TRIM29: variants seen among roughly 807,000 people sequenced by gnomAD.
The protein encoded by TRIM29 is tripartite motif-containing protein 29.
TRIM29 carries 52 observed loss-of-function variants against 57.3 expected under a neutral mutation model. The observed-to-expected ratio is 0.91, with a 90% CI of 0.73 to 1.14. TRIM29 has a LOEUF of 1.14. Ranked by LOEUF, TRIM29 falls within the 50% of genes most tolerant of loss-of-function variation. The probability of loss-of-function intolerance (pLI) is 0.00; values close to 1 mark genes in which losing one functional copy is unlikely to be tolerated. For synonymous variants in TRIM29, 319 were observed against 316.9 expected, an observed-to-expected ratio of 1.01 and a Z score of -0.07; for missense variants, 753 against 774.6, an observed-to-expected ratio of 0.97 and a Z score of 0.33.
At chr11:120,126,992 C>T (rs1863604134) in intron 3 of TRIM29, among the ~76,000 whole-genome samples, 2 of 152,142 alleles carry the variant, frequency 1.3e-5, no homozygotes, top group African/African-American at 4.8e-5. Context: ...AAATATGCAG[C>T]ACTCCTACAC....
intron 6 of TRIM29, among the ~76,000 whole-genome samples, chr11:120,119,516 T>A (rs183303568): frequency 6.6e-6 from 1 of 152,334 alleles, no homozygotes; most frequent in African/African-American, 2.4e-5. Flanking sequence ...TGTTCACTCA[T>A]GCCTTTAGCC....
intron 1 of TRIM29, chr11:120,128,718 C>A: frequency 2.0e-6 from 3 of 1,535,690 alleles, no homozygotes; most frequent in Non-Finnish European, 1.7e-6. Context: ...TTGCTGTATT[C>A]TCAGGCCACT....
chr11:120,119,235 C>T (rs901696454), intron 6 of TRIM29, among the ~76,000 whole-genome samples: 23 of 152,162 alleles, frequency 1.5e-4, no homozygotes, highest in African/African-American at 5.6e-4. Flanking sequence ...GTGGGGGGCT[C>T]AGAGTCCCCA....
At chr11:120,135,133 C>T (rs1337702312) in intron 1 of TRIM29, among the ~76,000 whole-genome samples, 1 of 152,194 alleles carries the variant, frequency 6.6e-6, no homozygotes, top group Non-Finnish European at 1.5e-5. Flanking sequence ...TCCTGCCCAC[C>T]AGAACCACAT....
At chr11:120,123,705 G>C (rs111292673) in intron 4 of TRIM29, 1 of 340,718 alleles carries the variant, frequency 2.9e-6, no homozygotes, top group South Asian at 2.3e-5. Context: ...TTTCTCTTTC[G>C]ACTTCCCCGT....
intron 3 of TRIM29, among the ~76,000 whole-genome samples, chr11:120,126,546 C>G (rs1863595051): frequency 6.6e-6 from 1 of 152,142 alleles, no homozygotes; most frequent in Non-Finnish European, 1.5e-5. Context: ...GCCCAGCCCA[C>G]AGTGGTATTT....
chr11:120,131,379 G>C (rs1863719408), intron 1 of TRIM29, among the ~76,000 whole-genome samples: 1 of 152,140 alleles, frequency 6.6e-6, no homozygotes, highest in African/African-American at 2.4e-5. Context: ...CAAGGGAAGA[G>C]GGCAATAGGG....
In TRIM29 at chr11:120,137,570, G is replaced by T. The variant is rs59059947; in HGVS notation, c.462C>A (p.Pro154=). ...GTGAAAAAAGGCCCGTGTCGGCCCG[G>T]GGGTAGCTGTTCCGCCGGGTCTCCC... ...EPGETRRNSY[P]RADTGLFSRS... is the part of the protein sequence containing the mutation. Residue 154 remains proline, a synonymous_variant, in exon 1 of 9, where the codon CCC becomes CCA. Transcript: ENST00000341846. This position sits in a 1 kb window ranked among gnomAD's most constrained non-coding sequence, Gnocchi z 6.2. The T allele has an allele frequency of 2.5e-6, 4 of 1,612,356 alleles. No individual in the cohort carries two copies. In the South Asian group the frequency reaches 4.4e-5, roughly 18 times the overall value.
chr11:120,121,813 C>G (rs922529549), intron 5 of TRIM29: 5 of 349,700 alleles, frequency 1.4e-5, no homozygotes, highest in Admixed American at 3.5e-5. Context: ...TCAGGGCACT[C>G]GATGGCACCC....
At chr11:120,132,481 G>A (rs918636470) in intron 1 of TRIM29, among the ~76,000 whole-genome samples, 1 of 152,174 alleles carries the variant, frequency 6.6e-6, no homozygotes, top group East Asian at 1.9e-4. Context: ...TGCCAGGAAC[G>A]GGCCCTGCAT....
rs554063264 is a variant in TRIM29 at position 120,127,515 on chromosome 11, G to A, written c.955C>T (p.Arg319Trp). ...ILEQNFRDLV[R>W]DLEKQKEEVR... Reference sequence around the variant, plus strand: ...TCCTCCTTTTGCTTCTCCAGGTCCCGCACCAGGTCCCGGAAGTTCTGCTCC... The same window carrying A: ...TCCTCCTTTTGCTTCTCCAGGTCCCACACCAGGTCCCGGAAGTTCTGCTCC... The change falls in exon 3 of 9, where the codon CGG (arginine) becomes TGG (tryptophan). Residue 319 changes from arginine to tryptophan, a missense_variant. Transcript: ENST00000341846. 50 of 1,614,142 alleles carry A rather than the reference G, an allele frequency of 3.1e-5. 1 individual carries two copies. Among genetic ancestry groups the A allele is most frequent in the Middle Eastern group, 1.6e-4 (1 of 6,062 alleles).
At chr11:120,120,855 C>A in intron 5 of TRIM29, 190 bp from the exon 6 acceptor site, 1 of 685,672 alleles carries the variant, frequency 1.5e-6, no homozygotes. Flanking sequence ...TAGAAGGACT[C>A]TGTTAGTAAC....
At position 120,115,349 on chromosome 11, in the gene TRIM29, G is replaced by A; in HGVS notation, c.1693C>T (p.Gln565Ter). ...AQPQTWKSGK[Q>*]TMLSHYRPFY... is the part of the protein sequence containing the mutation. ...AGCACTTCCCTTACCAGCATAGTCT[G>A]CTTGCCAGATTTCCAAGTCTGGGGC... is the stretch of plus-strand genomic sequence containing the variant. The change falls in exon 8 of 9, where the codon CAG (glutamine) becomes TAG (stop). Residue 565 changes from glutamine (Q) to a stop codon, truncating the protein, a stop_gained. Coordinates refer to ENST00000341846, the MANE Select transcript of TRIM29 (RefSeq NM_012101.4). LOFTEE classifies it high-confidence loss of function. 6.2e-7 allele frequency: 1 copy of A among 1,613,536 alleles called. No individual in the cohort carries two copies. The highest frequency in any genetic ancestry group is 1.1e-5 in the South Asian group (1 of 90,886).
intron 1 of TRIM29, among the ~76,000 whole-genome samples, chr11:120,131,540 T>C (rs1180036830): frequency 1.3e-5 from 2 of 151,900 alleles, no homozygotes; most frequent in East Asian, 1.9e-4. Flanking sequence ...TCCTATTTCT[T>C]TGGGGCACTG....
At chr11:120,136,377 G>A (rs1863812480) in intron 1 of TRIM29, among the ~76,000 whole-genome samples, 1 of 152,200 alleles carries the variant, frequency 6.6e-6, no homozygotes, top group Non-Finnish European at 1.5e-5. Context: ...TTGTAATAAA[G>A]TGTTGGATTT....
At chr11:120,114,792 A>G (rs1021181839) in intron 8 of TRIM29, among the ~76,000 whole-genome samples, 2 of 152,240 alleles carry the variant, frequency 1.3e-5, no homozygotes, top group African/African-American at 4.8e-5. Context: ...TGGACCCCAA[A>G]GCCATGCTTC....
At chr11:120,116,960 G>C in intron 7 of TRIM29, 1 of 411,650 alleles carries the variant, frequency 2.4e-6, no homozygotes, top group Admixed American at 2.9e-5. Flanking sequence ...GGCAGATACC[G>C]GGATTATTTT....
chr11:120,132,018 C>G (rs1351813473), intron 1 of TRIM29, among the ~76,000 whole-genome samples: 1 of 151,312 alleles, frequency 6.6e-6, no homozygotes, highest in Non-Finnish European at 1.5e-5. Flanking sequence ...AGTTGGAAAG[C>G]GGTAAGGCCA....
At position 120,125,848 on chromosome 11, in the gene TRIM29, G is replaced by A; in HGVS notation, c.1176C>T (p.Pro392=). 1 of 1,614,118 alleles carries A rather than the reference G, an allele frequency of 6.2e-7. No homozygotes were observed. Among genetic ancestry groups the A allele is most frequent in the East Asian group, 2.2e-5 (1 of 44,878 alleles). ...CCAGCAGGACATGATAGGTGGGCAGGGGTGGGGGGAGAGAGTAATTGCTCA... is the reference window on the plus strand; with the variant it reads ...CCAGCAGGACATGATAGGTGGGCAGAGGTGGGGGGAGAGAGTAATTGCTCA... ...ALMSNYSLPP[P]LPTYHVLLEG... is the part of the protein sequence containing the mutation. The change falls in exon 4 of 9, where the codon CCC becomes CCT. Residue 392 remains proline, a synonymous_variant. Transcript: ENST00000341846.
Sources: allele counts gnomAD v4.1 joint callset (sites outside exome capture counted in the v4.1 genomes callset), GRCh38; gene constraint gnomAD v4.1.1; non-coding constraint Gnocchi (gnomAD v3.1); transcripts MANE v1.5; gene names NCBI Gene and HGNC (gene_info 2026-07-23, HGNC 2026-07-21).